SDK1: variants seen among roughly 807,000 people sequenced by gnomAD.
SDK1 encodes the protein protein sidekick-1.
In SDK1, 157 loss-of-function variants were observed where a neutral mutation model predicts 245.5. The observed-to-expected ratio is 0.64, with a 90% CI of 0.56 to 0.73. The LOEUF (loss-of-function observed/expected upper bound fraction) is 0.73, where lower values mean the gene tolerates loss of function less well. SDK1 is among the 30% of genes least tolerant of loss of function. The pLI is 0.00. For missense variants in SDK1, 3,583 were observed against 3,002.3 expected (o/e 1.19, Z -4.52); for synonymous variants, 1,647 against 1,278.5 (o/e 1.29, Z -6.15).
At chr7:4,186,254 C>T (rs1782887758) in intron 35 of SDK1, among the ~76,000 whole-genome samples, 1 of 152,170 alleles carries the variant, frequency 6.6e-6, no homozygotes, top group South Asian at 2.1e-4. Flanking sequence ...ACCCACTTTG[C>T]CCTGGGGGTC....
intron 19 of SDK1, among the ~76,000 whole-genome samples, chr7:4,067,447 G>T (rs142894206): frequency 6.6e-6 from 1 of 152,180 alleles, no homozygotes; most frequent in Non-Finnish European, 1.5e-5. Flanking sequence ...CAAGGTTACA[G>T]ATGGCCCCCA....
intron 4 of SDK1, among the ~76,000 whole-genome samples, chr7:3,695,090 A>T (rs943121514): frequency 2.0e-5 from 3 of 152,152 alleles, no homozygotes; most frequent in East Asian, 3.8e-4. Context: ...TATGATGTGA[A>T]TTTTTTCTGT....
intron 1 of SDK1, among the ~76,000 whole-genome samples, chr7:3,305,497 G>C (rs1779393601): frequency 6.6e-6 from 1 of 152,186 alleles, no homozygotes; most frequent in Non-Finnish European, 1.5e-5. Flanking sequence ...GTTTGCTAGA[G>C]TGTTGAGTTC....
chr7:4,121,331 AC>A (rs1784053062), intron 25 of SDK1, among the ~76,000 whole-genome samples: 1 of 152,146 alleles, frequency 6.6e-6, no homozygotes, highest in Non-Finnish European at 1.5e-5. Flanking sequence ...TGTAATCTCC[AC>A]ATGTCAAGGG....
At chr7:3,501,969 T>C (rs988417262) in intron 1 of SDK1, among the ~76,000 whole-genome samples, 1 of 152,216 alleles carries the variant, frequency 6.6e-6, no homozygotes, top group East Asian at 1.9e-4. Flanking sequence ...TTTAGAACTT[T>C]ATATGTTTGT....
intron 1 of SDK1, among the ~76,000 whole-genome samples, chr7:3,572,978 C>T (rs965633626): frequency 1.3e-5 from 2 of 151,880 alleles, no homozygotes; most frequent in African/African-American, 2.4e-5. Context: ...TGCAGGCAGA[C>T]GGAGCATCTG....
At chr7:3,643,000 A>G (rs1350620161) in intron 4 of SDK1, 2 of 152,266 alleles carry the variant, frequency 1.3e-5, no homozygotes, top group Admixed American at 6.5e-5. Context: ...TAGATTTTAC[A>G]TCTAACTGTG....
intron 23 of SDK1, among the ~76,000 whole-genome samples, chr7:4,112,839 T>C (rs951338891): frequency 5.3e-5 from 8 of 152,040 alleles, no homozygotes; most frequent in African/African-American, 1.9e-4. Context: ...ATGCAACCTC[T>C]GCTTCCCTGG....
At chr7:4,036,014 A>G (rs1788184096) in intron 17 of SDK1, among the ~76,000 whole-genome samples, 1 of 152,252 alleles carries the variant, frequency 6.6e-6, no homozygotes, top group Admixed American at 6.5e-5. Flanking sequence ...TAAGATTTTT[A>G]GTAAGAAACT....
intron 22 of SDK1, among the ~76,000 whole-genome samples, chr7:4,084,252 A>C (rs1174289297): frequency 6.6e-6 from 1 of 152,072 alleles, no homozygotes; most frequent in Admixed American, 6.5e-5. Flanking sequence ...TGTTAAATAG[A>C]TTTTTCTTTC....
chr7:3,403,866 T>TATAA (rs1562466229), intron 1 of SDK1, among the ~76,000 whole-genome samples: 68 of 115,690 alleles, frequency 5.9e-4, no homozygotes, highest in Non-Finnish European at 8.0e-4. Context: ...TATATATATA[T>TATAA]ATAATATATA....
At chr7:4,035,474 A>C (rs188364759) in intron 17 of SDK1, among the ~76,000 whole-genome samples, 2 of 152,248 alleles carry the variant, frequency 1.3e-5, no homozygotes, top group East Asian at 3.9e-4. Flanking sequence ...AGAAAAAAAG[A>C]TTTTCAACTG....
At chr7:4,049,269 A>T in intron 17 of SDK1, 79 bp from the exon 18 acceptor site, 1 of 1,037,284 alleles carries the variant, frequency 9.6e-7, no homozygotes, top group Non-Finnish European at 1.5e-6. Context: ...ATGGCAGCTA[A>T]GGGTTTCCTT....
intron 19 of SDK1, among the ~76,000 whole-genome samples, chr7:4,056,412 A>G (rs1411599030): frequency 6.6e-6 from 1 of 152,144 alleles, no homozygotes; most frequent in Non-Finnish European, 1.5e-5. Flanking sequence ...AAGAACAGCA[A>G]GTAGGTAACC....
At chr7:3,449,165 C>T (rs1006549554) in intron 1 of SDK1, among the ~76,000 whole-genome samples, 10 of 152,108 alleles carry the variant, frequency 6.6e-5, no homozygotes, top group African/African-American at 1.9e-4. Flanking sequence ...AATGGTTCTC[C>T]AAGTAAAGCT....
At chr7:3,662,267 G>C (rs1243006187) in intron 4 of SDK1, among the ~76,000 whole-genome samples, 1 of 152,092 alleles carries the variant, frequency 6.6e-6, no homozygotes, top group African/African-American at 2.4e-5. Context: ...AAGTTATGCA[G>C]GTTTGAAAGG....
intron 44 of SDK1, among the ~76,000 whole-genome samples, chr7:4,248,346 GCA>G (rs1293881535): frequency 1.1e-5 from 1 of 92,852 alleles, no homozygotes; most frequent in African/African-American, 3.4e-5. Flanking sequence ...CTGAATACAT[GCA>G]CACACACGTT....
chr7:3,420,552 T>C (rs1363755143), intron 1 of SDK1, among the ~76,000 whole-genome samples: 1 of 152,180 alleles, frequency 6.6e-6, no homozygotes, highest in Non-Finnish European at 1.5e-5. Context: ...GTGCTAATCT[T>C]TTAGGGGGAG....
At chr7:3,824,390 G>A (rs1450188142) in intron 5 of SDK1, among the ~76,000 whole-genome samples, 1 of 152,160 alleles carries the variant, frequency 6.6e-6, no homozygotes, top group African/African-American at 2.4e-5. Context: ...TTTGCTTGCT[G>A]TCGGGAGAAT....
Sources: gnomAD v4.1 joint callset for allele counts (sites outside exome capture counted in the v4.1 genomes callset) on GRCh38, gnomAD v4.1.1 for gene constraint, MANE v1.5 for transcripts, NCBI Gene and HGNC (gene_info 2026-07-23, HGNC 2026-07-21) for gene names.